Variants in TMTC4 observed in about 807,000 individuals in gnomAD.
The protein encoded by TMTC4 is protein O-mannosyl-transferase TMTC4.
Under a neutral mutation model 86.0 loss-of-function variants are expected in TMTC4, and 65 were observed. That is an observed-to-expected ratio of 0.76 (90% CI 0.62 to 0.93). TMTC4 has a LOEUF of 0.93. Among genes scored for constraint, TMTC4 ranks in the 40% least tolerant of loss-of-function variants. The probability of loss-of-function intolerance (pLI) is 0.00; values close to 1 mark genes in which losing one functional copy is unlikely to be tolerated. For synonymous variants in TMTC4, 379 were observed against 382.5 expected, an observed-to-expected ratio of 0.99 and a Z score of 0.11; for missense variants, 866 against 948.1, an observed-to-expected ratio of 0.91 and a Z score of 1.14.
chr13:100,614,865 A>G (rs1404880422), intron 15 of TMTC4: 1 of 949,040 alleles, frequency 1.1e-6, no homozygotes, highest in African/African-American at 1.8e-5. Flanking sequence ...CATTGTTGAT[A>G]AAGTATTACT....
intron 6 of TMTC4, among the ~76,000 whole-genome samples, chr13:100,653,962 C>G (rs1391334799): frequency 3.3e-5 from 5 of 152,198 alleles, no homozygotes; most frequent in Non-Finnish European, 5.9e-5. Flanking sequence ...CTGTTGGTGC[C>G]TGCAAAGGCC....
At chr13:100,635,265 T>G in intron 10 of TMTC4, 70 bp from the exon 11 acceptor site, 1 of 1,412,542 alleles carries the variant, frequency 7.1e-7, no homozygotes, top group Non-Finnish European at 9.4e-7. Flanking sequence ...CTACTCCACA[T>G]TAAATTAATG....
intron 9 of TMTC4, 69 bp downstream of exon 9, chr13:100,637,468 GA>G (rs1297487291): frequency 2.6e-6 from 4 of 1,539,264 alleles, no homozygotes; most frequent in Non-Finnish European, 3.5e-6. Flanking sequence ...AGACGAGGAG[GA>G]GGGGTGAGGG....
intron 17 of TMTC4, among the ~76,000 whole-genome samples, chr13:100,611,309 G>T (rs1455948046): frequency 6.6e-6 from 1 of 152,220 alleles, no homozygotes; most frequent in Non-Finnish European, 1.5e-5. Flanking sequence ...ATTCCAGCTG[G>T]GCGTGGTGGC....
chr13:100,664,292 G>A lies in TMTC4; in HGVS notation c.264C>T (p.Asp88=), dbSNP rs750539679. The A allele has an allele frequency of 6.2e-7, 1 of 1,612,358 alleles. No homozygotes were observed. Among genetic ancestry groups the A allele is most frequent in the African/African-American group, 1.3e-5 (1 of 74,802 alleles). ...ETPLGDLWHH[D]FWGSRLSSNT... is the part of the protein sequence containing the mutation. ...TGCTGCTCAGTCTACTGCCCCAGAA[G>A]TCATGATGCCACAGGTCCCCCAGGG... is the stretch of plus-strand genomic sequence containing the variant. Residue 88 remains aspartate (D), a synonymous_variant, in exon 4 of 19, where the codon GAC becomes GAT. Coordinates refer to ENST00000342624, the MANE Select transcript of TMTC4 (RefSeq NM_032813.5).
At chr13:100,674,833 G>A (rs1010358991), upstream of TMTC4, 7 of 971,676 alleles carry the variant, frequency 7.2e-6, no homozygotes, top group Non-Finnish European at 8.5e-6. Context: ...GGCAGGGGGA[G>A]GGGCCGCCCG....
intron 10 of TMTC4, 66 bp from the exon 11 acceptor site, chr13:100,635,261 C>A: frequency 7.0e-7 from 1 of 1,425,292 alleles, no homozygotes. Flanking sequence ...CATCCTACTC[C>A]ACATTAAATT....
intron 17 of TMTC4, among the ~76,000 whole-genome samples, chr13:100,609,085 A>G (rs1877128520): frequency 6.6e-6 from 1 of 152,060 alleles, no homozygotes; most frequent in African/African-American, 2.4e-5. Flanking sequence ...TGAAACCGTG[A>G]CTCACACAGG....
At chr13:100,652,734 A>G (rs938856529) in intron 6 of TMTC4, among the ~76,000 whole-genome samples, 5 of 152,310 alleles carry the variant, frequency 3.3e-5, no homozygotes, top group East Asian at 3.9e-4. Flanking sequence ...TGAGGGGTAC[A>G]GGAAGGAAAA....
Position 100,668,621 on chromosome 13 carries a change from T to A in TMTC4, c.177A>T (p.Gly59=). ...CTTCTGAGTCATCAAAGACAAAGTC[T>A]CCATCATAGCTGCGTGCAAAACACA... ...AIVCFARSYD[G]DFVFDDSEAI... is the part of the protein sequence containing the mutation. The change falls in exon 3 of 19, where the codon GGA becomes GGT. Residue 59 remains glycine, a synonymous_variant. Transcript: ENST00000342624. The A allele has an allele frequency of 6.2e-7, 1 of 1,614,154 alleles. No homozygotes were observed. Among genetic ancestry groups the A allele is most frequent in the Non-Finnish European group, 8.5e-7 (1 of 1,180,030 alleles).
intron 15 of TMTC4, among the ~76,000 whole-genome samples, chr13:100,619,811 A>G (rs964936194): frequency 9.2e-5 from 14 of 152,236 alleles, no homozygotes; most frequent in Non-Finnish European, 1.5e-5. Flanking sequence ...TGTTCCAGTG[A>G]TTCCTCAGAT....
intron 16 of TMTC4, among the ~76,000 whole-genome samples, chr13:100,613,856 T>G (rs943543604): frequency 7.4e-6 from 1 of 135,410 alleles, no homozygotes; most frequent in African/African-American, 2.7e-5. Context: ...CCTTTTTTTT[T>G]GAGATGGCGT....
chr13:100,606,017 A>G (rs773406061), intron 18 of TMTC4, among the ~76,000 whole-genome samples: 14 of 152,212 alleles, frequency 9.2e-5, no homozygotes, highest in Non-Finnish European at 1.5e-4. Flanking sequence ...GCAAGCTTCC[A>G]AAGTACCTAC....
chr13:100,648,881 G>A (rs1884080556), intron 6 of TMTC4, among the ~76,000 whole-genome samples: 1 of 152,002 alleles, frequency 6.6e-6, no homozygotes, highest in Admixed American at 6.6e-5. Flanking sequence ...GAGAAAGGGG[G>A]TCTCACTATA....
At chr13:100,671,459 T>C (rs1245912777) in intron 1 of TMTC4, among the ~76,000 whole-genome samples, 4 of 152,164 alleles carry the variant, frequency 2.6e-5, no homozygotes, top group Non-Finnish European at 2.9e-5. Flanking sequence ...CTAAGCAATA[T>C]GTTCTAAGCA....
intron 16 of TMTC4, 64 bp downstream of exon 16, chr13:100,614,252 A>T: frequency 8.3e-7 from 1 of 1,204,414 alleles, no homozygotes; most frequent in Non-Finnish European, 1.2e-6. Context: ...CTATTTCCTA[A>T]GTCTTCGGTG....
chr13:100,641,674 A>G (rs1883034820), intron 7 of TMTC4, among the ~76,000 whole-genome samples: 1 of 152,102 alleles, frequency 6.6e-6, no homozygotes, highest in Non-Finnish European at 1.5e-5. Flanking sequence ...TTTAGTAGAG[A>G]AGGGGTTTCT....
intron 17 of TMTC4, 24 bp downstream of exon 17, chr13:100,612,374 A>G: frequency 3.9e-6 from 6 of 1,551,290 alleles, no homozygotes; most frequent in Non-Finnish European, 5.3e-6. Flanking sequence ...AACTGCAAGA[A>G]CTCACAGCCT....
chr13:100,664,130 G>A (rs1886125715), intron 4 of TMTC4, 91 bp downstream of exon 4: 3 of 1,164,750 alleles, frequency 2.6e-6, no homozygotes, highest in Admixed American at 5.4e-5. Context: ...CTAGACTCCT[G>A]AATGCTGAGA....
Sources: allele counts gnomAD v4.1 joint callset (sites outside exome capture counted in the v4.1 genomes callset), GRCh38; gene constraint gnomAD v4.1.1; transcripts MANE v1.5; gene names NCBI Gene and HGNC (gene_info 2026-07-23, HGNC 2026-07-21).